ANKRD12: variants seen among roughly 807,000 people sequenced by gnomAD.
ANKRD12 encodes ankyrin repeat domain 12, also known as ankyrin repeat domain-containing protein 12.
A neutral mutation model predicts 183.4 loss-of-function variants in ANKRD12; 85 were observed. That is an observed-to-expected ratio of 0.46 (90% CI 0.39 to 0.56). ANKRD12 has a LOEUF of 0.56. ANKRD12 is among the 20% of genes least tolerant of loss of function. The pLI, the probability that ANKRD12 is intolerant of heterozygous loss-of-function variation, is 0.00. For synonymous variants in ANKRD12, 914 were observed against 800.2 expected (o/e 1.14, Z -2.40); for missense variants, 2,405 against 2,357.1 (o/e 1.02, Z -0.42).
At chr18:9,195,216 A>T (rs1424915798) in intron 2 of ANKRD12, among the ~76,000 whole-genome samples, 1 of 152,158 alleles carries the variant, frequency 6.6e-6, no homozygotes, top group Non-Finnish European at 1.5e-5. Flanking sequence ...GGATCAAAAA[A>T]CTGCCTATCA....
At chr18:9,223,171 C>A (rs563244024) in intron 8 of ANKRD12, among the ~76,000 whole-genome samples, 18 of 152,008 alleles carry the variant, frequency 1.2e-4, no homozygotes, top group South Asian at 4.2e-4. Context: ...GTAATCCCAG[C>A]GCTTTGGGAG....
chr18:9,258,405 T>C lies in ANKRD12; in HGVS notation c.5138T>C (p.Leu1713Ser), dbSNP rs1181401266. 1.2e-6 allele frequency: 2 copies of C among 1,613,776 alleles called. No individual in the cohort carries two copies. Among genetic ancestry groups the C allele is most frequent in the South Asian group, 1.1e-5 (1 of 91,060 alleles). Residue 1713 changes from leucine to serine, a missense_variant, in exon 9 of 13, where the codon TTA (leucine) becomes TCA (serine). Physicochemically the swap from Leu to Ser is moderately radical, Grantham distance 145. Transcript: ENST00000262126. ...TQPEMHKYGQ[L>S]VKVELEENAE... Reference sequence around the variant, plus strand: ...CCAGAAATGCATAAATATGGTCAGTTAGTTAAAGTAGAATTAGAAGAAAAT... The same window carrying C: ...CCAGAAATGCATAAATATGGTCAGTCAGTTAAAGTAGAATTAGAAGAAAAT...
intron 4 of ANKRD12, among the ~76,000 whole-genome samples, chr18:9,205,019 C>T (rs1387850937): frequency 6.6e-6 from 1 of 152,132 alleles, no homozygotes; most frequent in African/African-American, 2.4e-5. Flanking sequence ...AATTCATTAG[C>T]CGTTATTGAC....
chr18:9,253,091 A>C (rs1468436450), intron 8 of ANKRD12, among the ~76,000 whole-genome samples: 4 of 152,218 alleles, frequency 2.6e-5, no homozygotes, highest in African/African-American at 9.7e-5. Context: ...TTATGGATAC[A>C]TAATAGTTGT....
rs75099041 is a variant in ANKRD12 at position 9,138,684 on chromosome 18, A to G, written c.-52+1719A>G. On this transcript the variant is annotated intron_variant, in intron 1 of 12. Coordinates refer to ENST00000262126, the MANE Select transcript of ANKRD12 (RefSeq NM_015208.5). ...CTCTATTGGTGCCAAGTGGCTTAAA[A>G]GCAAAATGAGGATAGTGTCCACCGT... Among the ~76,000 whole-genome samples the G allele has an allele frequency of 5.9e-3, 899 of 152,364 alleles. 2 individuals carry two copies. Among genetic ancestry groups the G allele is most frequent in the Non-Finnish European group, 9.8e-3 (669 of 68,030 alleles).
intron 1 of ANKRD12, among the ~76,000 whole-genome samples, chr18:9,145,444 A>G (rs569373925): frequency 6.6e-6 from 1 of 152,344 alleles, no homozygotes; most frequent in Non-Finnish European, 1.5e-5. Flanking sequence ...ATTCACACTC[A>G]GGAAACAAAA....
chr18:9,222,307 C>T lies in ANKRD12; in HGVS notation c.943+308C>T, dbSNP rs575426216. On this transcript the variant is annotated intron_variant, in intron 8 of 12. Transcript: ENST00000262126. Reference sequence around the variant, plus strand: ...CCATGCAGAGCTACCACCACTGCTACTCTGACTTCTTTTCATTCTATTATA... The same window carrying T: ...CCATGCAGAGCTACCACCACTGCTATTCTGACTTCTTTTCATTCTATTATA... 2.0e-5 allele frequency among the ~76,000 whole-genome samples: 3 copies of T among 152,300 alleles called. No individual in the cohort carries two copies. The East Asian group carries it at 5.8e-4, about 29-fold the overall frequency.
intron 3 of ANKRD12, among the ~76,000 whole-genome samples, chr18:9,202,470 A>T (rs9946468): frequency 0.57 from 85,918 of 152,036 alleles, 25,317 homozygotes; most frequent in South Asian, 0.75. Flanking sequence ...TTCATGATAG[A>T]TTTACTTCTG....
chr18:9,279,654 T>A lies in ANKRD12; in HGVS notation c.6003+10T>A, dbSNP rs771457331. 6.5e-7 allele frequency: 1 copy of A among 1,538,716 alleles called. No homozygotes were observed. Among genetic ancestry groups the A allele is most frequent in the Non-Finnish European group, 8.8e-7 (1 of 1,130,012 alleles). ...ATTTGACAAATTAAAGGTATGTATG[T>A]TTGGAAGTCAGTTTAAATGAATGCT... On this transcript the variant is annotated intron_variant, in intron 12 of 12. Transcript: ENST00000262126.
Position 9,263,790 on chromosome 18 carries a change from A to G in ANKRD12, c.5665A>G (p.Ile1889Val). ...NPLSKICIPT[I>V]TPPPSLSDPL... ...AAACTATATATATCTTTTTAATTAG[A>G]TTACACCACCACCTTCACTGTCAGA... The change falls in exon 10 of 13, where the codon ATT becomes GTT. Residue 1889 changes from isoleucine to valine, a missense_variant and splice_region_variant. Ile to Val is a conservative substitution (Grantham distance 29). Transcript: ENST00000262126. The G allele has an allele frequency of 6.5e-7, 1 of 1,547,924 alleles. No homozygotes were observed. The highest frequency in any genetic ancestry group is 1.4e-5 in the African/African-American group (1 of 72,398).
At chr18:9,169,699 T>A (rs2032486459) in intron 1 of ANKRD12, among the ~76,000 whole-genome samples, 1 of 152,252 alleles carries the variant, frequency 6.6e-6, no homozygotes, top group Non-Finnish European at 1.5e-5. Flanking sequence ...ATTGGAGCAT[T>A]TGGCCCATTT....
At chr18:9,181,760 C>T (rs2033715953) in intron 1 of ANKRD12, among the ~76,000 whole-genome samples, 1 of 151,984 alleles carries the variant, frequency 6.6e-6, no homozygotes, top group African/African-American at 2.4e-5. Context: ...TAATCATAAG[C>T]TCTTAGGAGA....
At chr18:9,169,450 G>A (rs368758774) in intron 1 of ANKRD12, among the ~76,000 whole-genome samples, 1 of 151,980 alleles carries the variant, frequency 6.6e-6, no homozygotes, top group Non-Finnish European at 1.5e-5. Context: ...TGAATTGATC[G>A]CTTTACCATT....
At chr18:9,233,582 C>G (rs571026817) in intron 8 of ANKRD12, among the ~76,000 whole-genome samples, 1 of 152,178 alleles carries the variant, frequency 6.6e-6, no homozygotes, top group African/African-American at 2.4e-5. Context: ...AGAGCTTCTT[C>G]CCAAAGATTA....
Position 9,257,110 on chromosome 18 carries a change from T to C in ANKRD12, c.3843T>C (p.Leu1281=). The C allele has an allele frequency of 2.5e-6, 4 of 1,614,116 alleles. No homozygotes were observed. Among genetic ancestry groups the C allele is most frequent in the Non-Finnish European group, 3.4e-6 (4 of 1,179,998 alleles). Reference sequence around the variant, plus strand: ...TTAAACCACCATATGCAAACAGACTTTCAACATCCCATCTTAGGTCATCTT... The same window carrying C: ...TTAAACCACCATATGCAAACAGACTCTCAACATCCCATCTTAGGTCATCTT... ...ERIKPPYANR[L]STSHLRSSSV... Residue 1281 remains leucine (L), a synonymous_variant, in exon 9 of 13, where the codon CTT becomes CTC. Coordinates refer to ENST00000262126, the MANE Select transcript of ANKRD12 (RefSeq NM_015208.5).
chr18:9,199,399 A>G (rs2035036719), intron 3 of ANKRD12, among the ~76,000 whole-genome samples: 2 of 152,234 alleles, frequency 1.3e-5, no homozygotes, highest in African/African-American at 2.4e-5. Context: ...ATACGTGCAC[A>G]CATGATGTAT....
At chr18:9,170,656 T>G (rs2032612699) in intron 1 of ANKRD12, among the ~76,000 whole-genome samples, 1 of 152,220 alleles carries the variant, frequency 6.6e-6, no homozygotes, top group African/African-American at 2.4e-5. Flanking sequence ...GGTTTGAATT[T>G]CCTCTTGTAG....
rs373368148 is a variant in ANKRD12, at chr18:9,263,167, G to A, written c.5665-623G>A. Among the ~76,000 whole-genome samples, 14 of 152,014 alleles carry A rather than the reference G, an allele frequency of 9.2e-5. 1 individual carries two copies. The highest frequency in any genetic ancestry group is 2.9e-4 in the African/African-American group (12 of 41,474). On this transcript the variant is annotated intron_variant, in intron 9 of 12. Coordinates refer to ENST00000262126, the MANE Select transcript of ANKRD12 (RefSeq NM_015208.5). ...GCTTCCTTAACCTCCAGCATCTACC[G>A]GAAAACACCTCTCTTCTGGGTTTGT...
chr18:9,244,760 G>C (rs2037859818), intron 8 of ANKRD12, among the ~76,000 whole-genome samples: 1 of 152,188 alleles, frequency 6.6e-6, no homozygotes, highest in African/African-American at 2.4e-5. Flanking sequence ...TGGAGTATAA[G>C]CATGCTTTCT....
Sources: gnomAD v4.1 joint callset for allele counts (sites outside exome capture counted in the v4.1 genomes callset) on GRCh38, gnomAD v4.1.1 for gene constraint, MANE v1.5 for transcripts, NCBI Gene and HGNC (gene_info 2026-07-23, HGNC 2026-07-21) for gene names.